ABAT: variants seen among roughly 807,000 people sequenced by gnomAD.
The protein encoded by ABAT is 4-aminobutyrate aminotransferase, mitochondrial.
Under a neutral mutation model 64.6 loss-of-function variants are expected in ABAT, and 45 were observed. The ratio of observed to expected loss-of-function variants is 0.70; its 90% confidence interval spans 0.55 to 0.89. ABAT has a LOEUF of 0.89. ABAT is among the 40% of genes least tolerant of loss of function. The probability of loss-of-function intolerance (pLI) is 0.00; values close to 1 mark genes in which losing one functional copy is unlikely to be tolerated. For missense variants in ABAT, 633 were observed against 658.4 expected (o/e 0.96, Z 0.42); for synonymous variants, 297 against 250.5 (o/e 1.19, Z -1.75).
intron 5 of ABAT, among the ~76,000 whole-genome samples, chr16:8,752,757 G>C (rs2059525427): frequency 6.6e-6 from 1 of 152,140 alleles, no homozygotes; most frequent in African/African-American, 2.4e-5. Flanking sequence ...AACAGTGCAA[G>C]ACCCTGTCTC....
intron 2 of ABAT, among the ~76,000 whole-genome samples, chr16:8,738,017 G>GAAAGAAGC (rs2059030121): frequency 2.9e-5 from 1 of 34,972 alleles, no homozygotes; most frequent in African/African-American, 1.5e-4. Context: ...AGAAAGAAAG[G>GAAAGAAGC]AAAGAAAGAA....
chr16:8,753,925 C>G (rs559097436), intron 5 of ABAT, among the ~76,000 whole-genome samples: 1 of 152,112 alleles, frequency 6.6e-6, no homozygotes, highest in Non-Finnish European at 1.5e-5. Context: ...TAATACCTGT[C>G]TCCACTGGCT....
At chr16:8,732,932 C>A (rs202011043) in intron 1 of ABAT, among the ~76,000 whole-genome samples, 3 of 148,040 alleles carry the variant, frequency 2.0e-5, no homozygotes, top group Non-Finnish European at 4.5e-5. Flanking sequence ...GGGGGGCTGA[C>A]CCCCCTACCT....
rs2060000293 is a variant in ABAT at position 8,768,176 on chromosome 16, A to G, written c.604-17A>G. On this transcript the variant is annotated splice_polypyrimidine_tract_variant and intron_variant, in intron 9 of 15. Coordinates refer to ENST00000268251, the MANE Select transcript of ABAT (RefSeq NM_020686.6). Reference sequence around the variant, plus strand: ...TCCTTACAACTATGACTAATGACTGATATTTCTTGGTTTTAGGCCCCTGGC... The same window carrying G: ...TCCTTACAACTATGACTAATGACTGGTATTTCTTGGTTTTAGGCCCCTGGC... The G allele has an allele frequency of 2.5e-6, 4 of 1,613,062 alleles. No individual in the cohort carries two copies. Among genetic ancestry groups the G allele is most frequent in the East Asian group, 2.2e-5 (1 of 44,878 alleles).
chr16:8,748,499 A>G (rs533152183), intron 4 of ABAT, among the ~76,000 whole-genome samples: 2 of 152,254 alleles, frequency 1.3e-5, no homozygotes, highest in African/African-American at 2.4e-5. Flanking sequence ...AGAAGAATCT[A>G]TATTCTGCTG....
intron 1 of ABAT, among the ~76,000 whole-genome samples, chr16:8,676,973 C>A (rs1409115953): frequency 6.6e-6 from 1 of 152,178 alleles, no homozygotes; most frequent in African/African-American, 2.4e-5. Flanking sequence ...TCTGTTTCTG[C>A]CCCCACCCAG....
At chr16:8,732,428 C>G (rs1011422612) in intron 1 of ABAT, among the ~76,000 whole-genome samples, 64 of 150,226 alleles carry the variant, frequency 4.3e-4, no homozygotes, top group Admixed American at 1.5e-3. Context: ...TGACTCTTAA[C>G]GAGCCTGCTG....
chr16:8,707,041 G>A (rs1431184492), intron 1 of ABAT, among the ~76,000 whole-genome samples: 1 of 152,126 alleles, frequency 6.6e-6, no homozygotes, highest in African/African-American at 2.4e-5. Flanking sequence ...AGGCAGAGGT[G>A]GGTTAGGCAA....
At chr16:8,698,036 A>G (rs2057742059) in intron 1 of ABAT, among the ~76,000 whole-genome samples, 2 of 152,218 alleles carry the variant, frequency 1.3e-5, no homozygotes, top group Non-Finnish European at 2.9e-5. Context: ...GAGATCATAC[A>G]TTCACTTTCT....
intron 11 of ABAT, among the ~76,000 whole-genome samples, chr16:8,770,642 T>C (rs1194376796): frequency 6.6e-6 from 1 of 151,922 alleles, no homozygotes; most frequent in Non-Finnish European, 1.5e-5. Flanking sequence ...GGTTTTGCCG[T>C]GTTGCCCAGG....
chr16:8,721,965 C>G (rs1304416402), intron 1 of ABAT, among the ~76,000 whole-genome samples: 2 of 152,266 alleles, frequency 1.3e-5, no homozygotes, highest in Non-Finnish European at 2.9e-5. Context: ...ATAGAACTTA[C>G]TTCAGGCCCA....
At chr16:8,742,444 A>C (rs1418639455) in intron 2 of ABAT, among the ~76,000 whole-genome samples, 2 of 152,188 alleles carry the variant, frequency 1.3e-5, no homozygotes, top group African/African-American at 4.8e-5. Context: ...CCTTTGCTGG[A>C]AACAAAGCAA....
chr16:8,729,115 T>C (rs563452913), intron 1 of ABAT, among the ~76,000 whole-genome samples: 2 of 151,148 alleles, frequency 1.3e-5, no homozygotes, highest in Non-Finnish European at 2.9e-5. Flanking sequence ...AAGACCATCC[T>C]TCACAACGTG....
intron 15 of ABAT, chr16:8,780,587 C>T (rs1373552469): frequency 6.4e-6 from 1 of 157,478 alleles, no homozygotes; most frequent in African/African-American, 2.4e-5. Context: ...CGGGGCAAAA[C>T]CTCATCTCTA....
chr16:8,776,602 G>T lies in ABAT; in HGVS notation c.1269+112G>T, dbSNP rs571400818. 10 of 1,167,316 alleles carry T rather than the reference G, an allele frequency of 8.6e-6. No homozygotes were observed. Among genetic ancestry groups the T allele is most frequent in the South Asian group, 2.7e-5 (2 of 75,356 alleles). The allele number at this position is 1,167,316 out of a possible 1,614,324, so 72.3% of individuals were successfully genotyped here. On this transcript the variant is annotated intron_variant, in intron 14 of 15. Coordinates refer to ENST00000268251, the MANE Select transcript of ABAT (RefSeq NM_020686.6). This position sits in a 1 kb window ranked among gnomAD's most constrained non-coding sequence, Gnocchi z 4.4. Reference sequence around the variant, plus strand: ...GTTGTGCCTGCTGTTCCAGCAGTTCGTAACGGGCTGTGCTGCTCCTAGCCT... The same window carrying T: ...GTTGTGCCTGCTGTTCCAGCAGTTCTTAACGGGCTGTGCTGCTCCTAGCCT...
chr16:8,745,628 G>A (rs1287417098), intron 2 of ABAT, among the ~76,000 whole-genome samples: 1 of 152,018 alleles, frequency 6.6e-6, no homozygotes, highest in Non-Finnish European at 1.5e-5. Context: ...GCCTTTGGAG[G>A]TCAGGGGTGC....
intron 2 of ABAT, among the ~76,000 whole-genome samples, chr16:8,737,920 T>G (rs1373257814): frequency 1.4e-5 from 1 of 69,652 alleles, no homozygotes; most frequent in Admixed American, 1.8e-4. Flanking sequence ...AGACTGAGAT[T>G]AAAAAAAAAA....
chr16:8,693,546 G>A (rs1460619294), intron 1 of ABAT, among the ~76,000 whole-genome samples: 2 of 152,110 alleles, frequency 1.3e-5, no homozygotes, highest in African/African-American at 4.8e-5. Flanking sequence ...TCAGCTCACT[G>A]CAACCTCCGC....
At chr16:8,688,970 C>G (rs1009749171) in intron 1 of ABAT, among the ~76,000 whole-genome samples, 13 of 151,646 alleles carry the variant, frequency 8.6e-5, no homozygotes, top group African/African-American at 3.2e-4. Context: ...GTCCCAGCTA[C>G]TTGGGAGGCT....
Sources: gnomAD v4.1 joint callset for allele counts (sites outside exome capture counted in the v4.1 genomes callset) on GRCh38, gnomAD v4.1.1 for gene constraint, Gnocchi (gnomAD v3.1) non-coding constraint, MANE v1.5 for transcripts, NCBI Gene and HGNC (gene_info 2026-07-23, HGNC 2026-07-21) for gene names.